Variants in PSMA8 observed in about 807,000 individuals in gnomAD.
PSMA8 encodes proteasome subunit alpha-type 8.
In PSMA8, 18 loss-of-function variants were observed where a neutral mutation model predicts 32.4. The observed-to-expected ratio is 0.56, with a 90% CI of 0.38 to 0.82. PSMA8 has a LOEUF of 0.82. Among genes scored for constraint, PSMA8 ranks in the 40% least tolerant of loss-of-function variants. The pLI, the probability that PSMA8 is intolerant of heterozygous loss-of-function variation, is 0.00. For missense variants in PSMA8, 298 were observed against 300.7 expected, an observed-to-expected ratio of 0.99 and a Z score of 0.07; for synonymous variants, 104 against 98.1, an observed-to-expected ratio of 1.06 and a Z score of -0.36.
Position 26,184,986 on chromosome 18 carries a change from G to T in PSMA8, c.660+5856G>T, listed in dbSNP as rs369942544. 2.5e-3 allele frequency among the ~76,000 whole-genome samples: 372 copies of T among 148,190 alleles called. 14 individuals are homozygous for T. The highest frequency in any genetic ancestry group is 8.9e-3 in the African/African-American group (354 of 39,868). Reference sequence around the variant, plus strand: ...GCCTGTAATTTCAGCTATTCAGGGGGCTGAGGCAGGAGAATCGCTTGAACC... The same window carrying T: ...GCCTGTAATTTCAGCTATTCAGGGGTCTGAGGCAGGAGAATCGCTTGAACC... On this transcript the variant is annotated intron_variant, in intron 6 of 6. Coordinates refer to ENST00000415576, the MANE Select transcript of PSMA8 (RefSeq NM_001025096.2).
At chr18:26,137,772 A>G (rs751154931) in intron 1 of PSMA8, among the ~76,000 whole-genome samples, 1 of 152,182 alleles carries the variant, frequency 6.6e-6, no homozygotes, top group Non-Finnish European at 1.5e-5. Context: ...TCTATCAGGA[A>G]AGTTAGATAA....
At chr18:26,175,596 G>C (rs1445720619) in intron 4 of PSMA8, among the ~76,000 whole-genome samples, 1 of 152,204 alleles carries the variant, frequency 6.6e-6, no homozygotes, top group Non-Finnish European at 1.5e-5. Context: ...GCTGAGGGCT[G>C]TCTGCCATTA....
chr18:26,177,920 A>G (rs929921821), intron 4 of PSMA8, among the ~76,000 whole-genome samples: 8 of 152,174 alleles, frequency 5.3e-5, no homozygotes, highest in Non-Finnish European at 8.8e-5. Context: ...CAGCTTTTTA[A>G]AATCTTTTCT....
chr18:26,173,127 T>C (rs993696193), intron 4 of PSMA8, among the ~76,000 whole-genome samples: 3 of 152,136 alleles, frequency 2.0e-5, no homozygotes, highest in African/African-American at 4.8e-5. Context: ...CCCAAGTAAG[T>C]CAGAGTAAAA....
At chr18:26,145,467 A>G (rs990124562) in intron 2 of PSMA8, among the ~76,000 whole-genome samples, 1 of 152,168 alleles carries the variant, frequency 6.6e-6, no homozygotes, top group African/African-American at 2.4e-5. Flanking sequence ...TCATGTAGTC[A>G]TCACCACACT....
At chr18:26,179,549 C>T (rs1340056481) in intron 6 of PSMA8, among the ~76,000 whole-genome samples, 1 of 152,104 alleles carries the variant, frequency 6.6e-6, no homozygotes, top group Non-Finnish European at 1.5e-5. Context: ...TGTGGCAAGT[C>T]TCATGTTATT....
intron 4 of PSMA8, 111 bp downstream of exon 4, chr18:26,158,355 G>A: frequency 1.1e-6 from 1 of 899,562 alleles, no homozygotes; most frequent in Non-Finnish European, 1.7e-6. Context: ...TATTGATATT[G>A]GTAAAATGTA....
intron 4 of PSMA8, among the ~76,000 whole-genome samples, chr18:26,178,592 A>G (rs541784351): frequency 6.6e-6 from 1 of 152,360 alleles, no homozygotes; most frequent in African/African-American, 2.4e-5. Context: ...ACAGAGTGAG[A>G]TCCCATCTCT....
chr18:26,141,398 A>G (rs2054954635), intron 1 of PSMA8, among the ~76,000 whole-genome samples: 1 of 152,192 alleles, frequency 6.6e-6, no homozygotes, highest in Non-Finnish European at 1.5e-5. Context: ...AAAATTATTT[A>G]TGAGAGTTAT....
rs2055284479 is a variant in PSMA8, at chr18:26,178,741, AG to A, written c.478-88del. ...TGGTAATTTTATTAAGGTATACTGG[AG>A]TAAACTCCAAACCTCTAAACTTTAC... On this transcript the variant is annotated intron_variant, in intron 4 of 6. Transcript: ENST00000415576. 67 of 1,165,306 alleles carry A rather than the reference AG, an allele frequency of 5.7e-5. No individual in the cohort carries two copies. In the South Asian group the frequency reaches 1.0e-3, roughly 17 times the overall value. The allele number at this position is 1,165,306 out of a possible 1,614,324, so 72.2% of individuals were successfully genotyped here.
At chr18:26,189,163 T>C (rs1330712719) in intron 6 of PSMA8, among the ~76,000 whole-genome samples, 43 of 151,864 alleles carry the variant, frequency 2.8e-4, no homozygotes, top group Admixed American at 2.8e-3. Context: ...AATAATCTGA[T>C]CAAAAAATGG....
chr18:26,183,740 G>C (rs1238627248), intron 6 of PSMA8, among the ~76,000 whole-genome samples: 1 of 150,940 alleles, frequency 6.6e-6, no homozygotes, highest in Non-Finnish European at 1.5e-5. Context: ...CAAGGTTTGA[G>C]AGGATTGACT....
chr18:26,146,385 C>A (rs1452270581), intron 2 of PSMA8, among the ~76,000 whole-genome samples: 1 of 151,998 alleles, frequency 6.6e-6, no homozygotes, highest in South Asian at 2.1e-4. Flanking sequence ...AAAATTAAAA[C>A]CTCATTCAGA....
At chr18:26,158,092 T>A (rs2055104806) in intron 3 of PSMA8, 30 bp from the exon 4 acceptor site, 1 of 1,485,158 alleles carries the variant, frequency 6.7e-7, no homozygotes, top group East Asian at 2.3e-5. Flanking sequence ...ACTAATAGTT[T>A]TATTCTAAAA....
intron 6 of PSMA8, among the ~76,000 whole-genome samples, chr18:26,186,394 A>G (rs1199380805): frequency 2.0e-5 from 3 of 151,916 alleles, no homozygotes; most frequent in Admixed American, 2.0e-4. Flanking sequence ...GCCTTTCCAC[A>G]TATGGTTATG....
At chr18:26,147,210 CAAAAAAAAAAA>C (rs57358976) in intron 2 of PSMA8, among the ~76,000 whole-genome samples, 1 of 48,290 alleles carries the variant, frequency 2.1e-5, no homozygotes, top group Non-Finnish European at 4.4e-5. Context: ...CACCCTGTCT[CAAAAAAAAAAA>C]AAAAAAAAAA....
At chr18:26,134,363 G>C (rs796660332) in intron 1 of PSMA8, among the ~76,000 whole-genome samples, 23 of 123,200 alleles carry the variant, frequency 1.9e-4, no homozygotes, top group African/African-American at 8.9e-4. Flanking sequence ...GTGTGTGTGT[G>C]TCTCTGTGTG....
intron 4 of PSMA8, among the ~76,000 whole-genome samples, chr18:26,160,335 A>G (rs2055125639): frequency 6.6e-6 from 1 of 152,228 alleles, no homozygotes; most frequent in African/African-American, 2.4e-5. Flanking sequence ...CCTAGTTAAT[A>G]GCAATACTGA....
In PSMA8 at chr18:26,133,996, G is replaced by C. The variant is rs550786252; in HGVS notation, c.31G>C (p.Val11Leu). MASRYDRAIT[V>L]FSPDGHLFQV... ...GTCTCGATATGACAGGGCGATCACT[G>C]TCTTCTCCCCAGACGGACACCTTTT... Residue 11 changes from valine (V) to leucine (L), a missense_variant, in exon 1 of 7, where the codon GTC becomes CTC. By Grantham distance (32) the Val-to-Leu change is conservative. Coordinates refer to ENST00000415576, the MANE Select transcript of PSMA8 (RefSeq NM_001025096.2). 491 of 1,614,090 alleles carry C rather than the reference G, an allele frequency of 3.0e-4. 11 individuals are homozygous for C. The South Asian group carries it at 5.1e-3, about 17-fold the overall frequency.
Sources: allele counts gnomAD v4.1 joint callset (sites outside exome capture counted in the v4.1 genomes callset), GRCh38; gene constraint gnomAD v4.1.1; transcripts MANE v1.5; gene names NCBI Gene and HGNC (gene_info 2026-07-23, HGNC 2026-07-21).